The following MDH1B variants were observed in gnomAD, a reference collection of about 807,000 sequenced individuals.
The protein encoded by MDH1B is malate dehydrogenase 1B, also known as putative malate dehydrogenase 1B.
A neutral mutation model predicts 61.4 loss-of-function variants in MDH1B; 60 were observed. That is an observed-to-expected ratio of 0.98 (90% CI 0.79 to 1.21). MDH1B has a LOEUF of 1.21. MDH1B is among the 50% of genes most tolerant of loss of function. MDH1B has a pLI of 0.00. For synonymous variants in MDH1B, 236 were observed against 218.7 expected (o/e 1.08, Z -0.70); for missense variants, 587 against 632.1 (o/e 0.93, Z 0.76).
At chr2:206,742,976 A>G (rs1449756678) in intron 9 of MDH1B, among the ~76,000 whole-genome samples, 1 of 152,084 alleles carries the variant, frequency 6.6e-6, no homozygotes, top group Non-Finnish European at 1.5e-5. Flanking sequence ...CGGCCTCCCA[A>G]AGTGCTGGGA....
intron 5 of MDH1B, among the ~76,000 whole-genome samples, chr2:206,754,161 TATA>T (rs1688616878): frequency 6.6e-6 from 1 of 152,206 alleles, no homozygotes; most frequent in Admixed American, 6.5e-5. Flanking sequence ...TAGCTCTGGC[TATA>T]ATGTTAGGGG....
chr2:206,740,879 A>T (rs758619554), intron 10 of MDH1B, among the ~76,000 whole-genome samples, 175 bp downstream of exon 10: 6 of 152,122 alleles, frequency 3.9e-5, no homozygotes, highest in Non-Finnish European at 4.4e-5. Context: ...AGTGCTTTTT[A>T]AAAAAAAGTT....
chr2:206,752,415 C>T (rs1688502665), intron 5 of MDH1B, among the ~76,000 whole-genome samples: 1 of 152,106 alleles, frequency 6.6e-6, no homozygotes, highest in African/African-American at 2.4e-5. Context: ...CACTGTCTAC[C>T]TTTGTCCTGT....
rs745921682 is a variant in MDH1B at position 206,760,991 on chromosome 2, A to G, written c.45T>C (p.Tyr15=). The part of the protein sequence containing the change: ...VIAGRADCPY[Y]AKTELVADYL... The stretch of plus-strand genomic sequence containing the variant: ...AGTCTGCCACAAGTTCTGTTTTAGC[A>G]TAATATGGACAATCTGCTCTACCTA... The change falls in exon 2 of 12, where the codon TAT becomes TAC. Residue 15 remains tyrosine, a synonymous_variant. Coordinates refer to ENST00000374412, the MANE Select transcript of MDH1B (RefSeq NM_001039845.3). The G allele has an allele frequency of 6.2e-7, 1 of 1,607,330 alleles. No individual in the cohort carries two copies. Among genetic ancestry groups the G allele is most frequent in the Non-Finnish European group, 8.5e-7 (1 of 1,174,292 alleles).
At chr2:206,746,155 T>C in intron 8 of MDH1B, 132 bp downstream of exon 8, 1 of 692,800 alleles carries the variant, frequency 1.4e-6, no homozygotes, top group Non-Finnish European at 2.2e-6. Flanking sequence ...TTTCAAACTT[T>C]TATTATCTCA....
intron 1 of MDH1B, among the ~76,000 whole-genome samples, chr2:206,764,356 GA>G (rs1396518352): frequency 6.6e-6 from 1 of 151,830 alleles, no homozygotes; most frequent in Non-Finnish European, 1.5e-5. Context: ...ATGCATCAAA[GA>G]GATCAAATAA....
At chr2:206,748,994 A>C (rs1349177447) in intron 7 of MDH1B, 26 bp downstream of exon 7, 3 of 1,603,712 alleles carry the variant, frequency 1.9e-6, no homozygotes, top group Non-Finnish European at 2.6e-6. Context: ...TTAAGATTTT[A>C]CAAGATATGA....
At chr2:206,760,852 AAC>A in intron 2 of MDH1B, 47 bp downstream of exon 2, 1 of 1,062,680 alleles carries the variant, frequency 9.4e-7, no homozygotes, top group Non-Finnish European at 1.5e-6. Context: ...ATCAAATTAA[AAC>A]ACATTTTGTG....
intron 1 of MDH1B, among the ~76,000 whole-genome samples, chr2:206,761,505 T>C (rs1689089812): frequency 6.6e-6 from 1 of 152,126 alleles, no homozygotes; most frequent in African/African-American, 2.4e-5. Context: ...ATGCTGACCT[T>C]AACTAGAGAA....
At chr2:206,750,496 G>C (rs773924488) in intron 6 of MDH1B, among the ~76,000 whole-genome samples, 33 of 151,598 alleles carry the variant, frequency 2.2e-4, no homozygotes, top group Non-Finnish European at 3.8e-4. Flanking sequence ...AGCCTGGGTG[G>C]CTTGGTCCTA....
chr2:206,749,960 G>T (rs1477159826), intron 6 of MDH1B, among the ~76,000 whole-genome samples: 1 of 152,282 alleles, frequency 6.6e-6, no homozygotes, highest in African/African-American at 2.4e-5. Flanking sequence ...TAAATTCAGA[G>T]AATAGTCCAG....
In MDH1B at chr2:206,756,936, C is replaced by T. The variant is rs1275699278; in HGVS notation, c.375G>A (p.Leu125=). ...CCTGCAAGGGGTTGATGCAAGTTTT[C>T]AGGGCTTCTTCCTCCTGCTCTTTTT... The part of the protein sequence containing the change: ...HIEKEQEEEA[L]KTCINPLQVW... Residue 125 remains leucine, a synonymous_variant, in exon 4 of 12, where the codon CTG becomes CTA. Transcript: ENST00000374412. 3.7e-6 allele frequency: 6 copies of T among 1,614,164 alleles called. No individual in the cohort carries two copies. Among genetic ancestry groups the T allele is most frequent in the Non-Finnish European group, 5.1e-6 (6 of 1,180,030 alleles).
At position 206,760,901 on chromosome 2, in the gene MDH1B, C is replaced by A; in HGVS notation, c.135G>T (p.Glu45Asp). The change falls in exon 2 of 12, where the codon GAG (glutamate) becomes GAT (aspartate). Residue 45 changes from glutamate to aspartate, a missense_variant and splice_region_variant. Coordinates refer to ENST00000374412, the MANE Select transcript of MDH1B (RefSeq NM_001039845.3). ...HKITQRPEVW[E>D]DWLKDVCEKN... ...TCAACAAACTATAAAGGCTTCTTAC[C>A]TCCCAAACCTCAGGACGTTGTGTGA... 1 of 1,578,670 alleles carries A rather than the reference C, an allele frequency of 6.3e-7. No individual in the cohort carries two copies. Among genetic ancestry groups the A allele is most frequent in the Non-Finnish European group, 8.7e-7 (1 of 1,150,414 alleles).
chr2:206,745,088 A>G (rs1214860671), intron 9 of MDH1B, among the ~76,000 whole-genome samples: 2 of 152,096 alleles, frequency 1.3e-5, no homozygotes, highest in African/African-American at 4.8e-5. Flanking sequence ...AATGACTGGT[A>G]TCCTTAGAGA....
chr2:206,749,688 C>G (rs960398102), intron 6 of MDH1B, among the ~76,000 whole-genome samples: 1 of 152,170 alleles, frequency 6.6e-6, no homozygotes, highest in Non-Finnish European at 1.5e-5. Context: ...ATTTATGTTT[C>G]ACATACACCT....
chr2:206,764,716 T>C (rs1185347118), intron 1 of MDH1B, among the ~76,000 whole-genome samples: 1 of 152,202 alleles, frequency 6.6e-6, no homozygotes, highest in Non-Finnish European at 1.5e-5. Context: ...TCAAACACCT[T>C]TGCTTGACCT....
intron 5 of MDH1B, among the ~76,000 whole-genome samples, chr2:206,751,956 A>G (rs1447092519): frequency 6.6e-6 from 1 of 152,182 alleles, no homozygotes; most frequent in Non-Finnish European, 1.5e-5. Context: ...TCTCCTGTAT[A>G]AGATTGCTTT....
chr2:206,741,771 G>C (rs183801584), intron 9 of MDH1B, among the ~76,000 whole-genome samples: 1 of 152,226 alleles, frequency 6.6e-6, no homozygotes, highest in African/African-American at 2.4e-5. Context: ...GGTACCAGGA[G>C]TGGTTCTAGA....
intron 9 of MDH1B, among the ~76,000 whole-genome samples, chr2:206,744,980 C>T (rs1027827552): frequency 6.6e-6 from 1 of 151,096 alleles, no homozygotes; most frequent in African/African-American, 2.4e-5. Context: ...AGTCCTAACG[C>T]CTGGTACCTA....
Sources: gnomAD v4.1 joint callset for allele counts (sites outside exome capture counted in the v4.1 genomes callset) on GRCh38, gnomAD v4.1.1 for gene constraint, MANE v1.5 for transcripts, NCBI Gene and HGNC (gene_info 2026-07-23, HGNC 2026-07-21) for gene names.